Variants in MYO18B observed in about 807,000 individuals in gnomAD.
MYO18B encodes the protein unconventional myosin-XVIIIb.
A neutral mutation model predicts 273.0 loss-of-function variants in MYO18B; 204 were observed. That is an observed-to-expected ratio of 0.75 (90% CI 0.67 to 0.84). The LOEUF is 0.84. Among genes scored for constraint, MYO18B ranks in the 40% least tolerant of loss-of-function variants. The pLI is 0.00. For synonymous variants in MYO18B, 1,330 were observed against 1,305.7 expected (o/e 1.02, Z -0.40); for missense variants, 3,212 against 3,287.6 (o/e 0.98, Z 0.56).
intron 32 of MYO18B, among the ~76,000 whole-genome samples, chr22:25,909,715 G>A (rs2285200): frequency 0.38 from 57,222 of 152,002 alleles, 12,125 homozygotes; most frequent in East Asian, 0.51. Flanking sequence ...GTCAGAGAAC[G>A]GTGTTTTTCT....
intron 10 of MYO18B, among the ~76,000 whole-genome samples, chr22:25,783,425 C>G (rs765866080): frequency 6.6e-6 from 1 of 152,234 alleles, no homozygotes; most frequent in African/African-American, 2.4e-5. Context: ...GGGCCCTGAA[C>G]ATAGGAATCC....
At chr22:26,034,715 C>A (rs542986798), downstream of MYO18B, among the ~76,000 whole-genome samples, 1 of 152,124 alleles carries the variant, frequency 6.6e-6, no homozygotes, top group East Asian at 1.9e-4. Flanking sequence ...ACCCTGAGGC[C>A]ATTTTTAACA....
chr22:25,859,144 A>T (rs2090657565), intron 21 of MYO18B, among the ~76,000 whole-genome samples: 1 of 152,220 alleles, frequency 6.6e-6, no homozygotes, highest in Non-Finnish European at 1.5e-5. Flanking sequence ...TACTATTTCT[A>T]TGGATTTTAA....
rs2145600405 is a variant in MYO18B at position 25,770,938 on chromosome 22, A to T, written c.1646A>T (p.Asp549Val). The change falls in exon 6 of 44, where the codon GAT becomes GTT. Residue 549 changes from aspartate to valine, a missense_variant. Physicochemically the swap from Asp to Val is radical, Grantham distance 152 (BLOSUM62 -3). Transcript: ENST00000335473. Reference sequence around the variant, plus strand: ...GCAGGAAGGGTGAGACTTTGGATTGATGCTGACAAAACCATCACTGAGGTG... The same window carrying T: ...GCAGGAAGGGTGAGACTTTGGATTGTTGCTGACAAAACCATCACTGAGGTG... ...LPAGRVRLWI[D>V]ADKTITEVDE... is the part of the protein sequence containing the mutation. The T allele has an allele frequency of 6.4e-7, 1 of 1,552,244 alleles. No individual in the cohort carries two copies. Among genetic ancestry groups the T allele is most frequent in the Non-Finnish European group, 8.7e-7 (1 of 1,147,222 alleles).
At chr22:25,888,682 A>T (rs1020966943) in intron 25 of MYO18B, among the ~76,000 whole-genome samples, 3 of 152,232 alleles carry the variant, frequency 2.0e-5, no homozygotes, top group Non-Finnish European at 4.4e-5. Context: ...ACACCCTAGG[A>T]GAGTCCCTCA....
rs554357809 is a variant in MYO18B at position 25,785,588 on chromosome 22, G to A, written c.2376+97G>A. ...CGTGCAACTTGTCTCTTTTGGTACTGGGGTTCATAGTTGGCAAGGGTTGGT... is the reference window on the plus strand; with the variant it reads ...CGTGCAACTTGTCTCTTTTGGTACTAGGGTTCATAGTTGGCAAGGGTTGGT... On this transcript the variant is annotated intron_variant, in intron 11 of 43. Coordinates refer to ENST00000335473, the MANE Select transcript of MYO18B (RefSeq NM_032608.7). 41 of 1,304,268 alleles carry A rather than the reference G, an allele frequency of 3.1e-5. No individual in the cohort carries two copies. In the Middle Eastern group the frequency reaches 7.5e-4, roughly 24 times the overall value. 80.8% of individuals were successfully genotyped at this position (1,304,268 alleles called of 1,614,324 possible).
At chr22:25,922,816 T>TCTCTGGTG (rs2092367550) in intron 34 of MYO18B, among the ~76,000 whole-genome samples, 2 of 152,342 alleles carry the variant, frequency 1.3e-5, no homozygotes, top group South Asian at 4.1e-4. Flanking sequence ...CTGCTTCCAG[T>TCTCTGGTG]CTCTGGTGTC....
chr22:25,983,387 C>A (rs1417848486), intron 39 of MYO18B: 1 of 151,998 alleles, frequency 6.6e-6, no homozygotes, highest in Non-Finnish European at 1.5e-5. Flanking sequence ...AAAAAAAATT[C>A]ATAATTCTGG....
At chr22:26,056,734 A>G in the MYO18B span, among the ~76,000 whole-genome samples, 1 of 152,138 alleles carries the variant, frequency 6.6e-6, no homozygotes, top group East Asian at 1.9e-4. Context: ...ATGGGCAGAG[A>G]AATGGGAGAT....
intron 39 of MYO18B, among the ~76,000 whole-genome samples, chr22:25,969,510 A>G (rs914022017): frequency 1.3e-5 from 2 of 152,202 alleles, no homozygotes; most frequent in Non-Finnish European, 2.9e-5. Flanking sequence ...CCTATTTTCT[A>G]TGGCTGCTTT....
At chr22:25,824,709 T>C (rs1454147443) in intron 13 of MYO18B, among the ~76,000 whole-genome samples, 1 of 152,176 alleles carries the variant, frequency 6.6e-6, no homozygotes. Context: ...ATTGGCCCTC[T>C]ATGTCTCCTT....
At chr22:26,028,632 C>G (rs79487399) in intron 43 of MYO18B, 5 of 152,236 alleles carry the variant, frequency 3.3e-5, no homozygotes, top group African/African-American at 1.2e-4. Flanking sequence ...CGGTGGCTCA[C>G]GCCTGTAATC....
At chr22:26,062,425 A>T in the MYO18B span, among the ~76,000 whole-genome samples, 1 of 152,134 alleles carries the variant, frequency 6.6e-6, no homozygotes, top group Admixed American at 6.6e-5. Context: ...AATGGCTATC[A>T]GGTATGAAGA....
At chr22:25,831,384 A>T (rs1403646595) in intron 15 of MYO18B, among the ~76,000 whole-genome samples, 1 of 152,056 alleles carries the variant, frequency 6.6e-6, no homozygotes, top group Non-Finnish European at 1.5e-5. Context: ...GTGATTTTTT[A>T]AAATTTTTTG....
chr22:25,842,548 T>TGTA (rs753713009), intron 17 of MYO18B, among the ~76,000 whole-genome samples: 5 of 151,894 alleles, frequency 3.3e-5, no homozygotes, highest in Non-Finnish European at 7.4e-5. Context: ...GGCTCATGCC[T>TGTA]GTAATCCCAG....
chr22:25,783,546 G>T (rs1463255691), intron 10 of MYO18B, among the ~76,000 whole-genome samples: 4 of 152,222 alleles, frequency 2.6e-5, no homozygotes, highest in African/African-American at 9.6e-5. Flanking sequence ...CCACACTGGG[G>T]CTCTCTCTTC....
At position 25,763,265 on chromosome 22, in the gene MYO18B, C is replaced by T. The variant is rs79294358; in HGVS notation, c.74C>T (p.Ser25Leu). The change falls in exon 3 of 44, where the codon TCG becomes TTG. Residue 25 changes from serine (S) to leucine (L), a missense_variant. By Grantham distance (145) the Ser-to-Leu change is moderately radical. Transcript: ENST00000335473. ...GAGGACAAGAGCCCTCCACCATCCTCGCCCCCTCCTCTTTTCTCTGTCATC... is the reference window on the plus strand; with the variant it reads ...GAGGACAAGAGCCCTCCACCATCCTTGCCCCCTCCTCTTTTCTCTGTCATC... ...REEDKSPPPS[S>L]PPPLFSVIPG... The T allele has an allele frequency of 3.7e-4, 589 of 1,611,500 alleles. 5 individuals carry two copies. The East Asian group carries it at 0.01, about 28-fold the overall frequency.
chr22:25,903,553 T>G, intron 30 of MYO18B, 78 bp from the exon 31 acceptor site: 2 of 1,407,840 alleles, frequency 1.4e-6, no homozygotes, highest in Non-Finnish European at 1.9e-6. Context: ...CAGCCCCAGT[T>G]GGTTGTAGAG....
At chr22:25,790,123 A>T (rs534612116) in intron 11 of MYO18B, among the ~76,000 whole-genome samples, 1 of 151,906 alleles carries the variant, frequency 6.6e-6, no homozygotes, top group Non-Finnish European at 1.5e-5. Flanking sequence ...ACTGCACTCC[A>T]GCCTGGGCGA....
Sources: allele counts gnomAD v4.1 joint callset (sites outside exome capture counted in the v4.1 genomes callset), GRCh38; gene constraint gnomAD v4.1.1; transcripts MANE v1.5; gene names NCBI Gene and HGNC (gene_info 2026-07-23, HGNC 2026-07-21).